The following FKBP9 variants were observed in gnomAD, a reference collection of about 807,000 sequenced individuals.
FKBP9 encodes the protein FKBP prolyl isomerase 9, also known as peptidyl-prolyl cis-trans isomerase FKBP9.
Under a neutral mutation model 55.6 loss-of-function variants are expected in FKBP9, and 27 were observed. The observed-to-expected ratio is 0.49, with a 90% confidence interval of 0.36 to 0.67. The LOEUF (loss-of-function observed/expected upper bound fraction) is 0.67. Among genes scored for constraint, FKBP9 ranks in the 30% least tolerant of loss-of-function variants. The probability of loss-of-function intolerance (pLI) is 0.00; values close to 1 mark genes in which losing one functional copy is unlikely to be tolerated. For synonymous variants in FKBP9, 267 were observed against 296.5 expected (o/e 0.90, Z 1.02); for missense variants, 539 against 742.8 (o/e 0.73, Z 3.19).
chr7:32,989,995 AT>A (rs543394091), intron 6 of FKBP9, among the ~76,000 whole-genome samples: 228 of 146,196 alleles, frequency 1.6e-3, no homozygotes, highest in East Asian at 0.011. Flanking sequence ...TTCAAAAGCA[AT>A]TTTTTTTTTT....
At position 32,999,374 on chromosome 7, in the gene FKBP9, G is replaced by A. The variant is rs377725113; in HGVS notation, c.1227-741G>A. On this transcript the variant is annotated intron_variant, in intron 7 of 9. Transcript: ENST00000242209. ...TGATAGGAATGGCATAGATTTTGGC[G>A]TAGATTTATTTTTAGTAGTGACCGA... is the stretch of plus-strand genomic sequence containing the variant. Among the ~76,000 whole-genome samples, 674 of 152,096 alleles carry A rather than the reference G, an allele frequency of 4.4e-3. 5 individuals are homozygous for A. Among genetic ancestry groups the A allele is most frequent in the Middle Eastern group, 0.014 (4 of 294 alleles).
chr7:33,000,383 G>A (rs1443333437), intron 8 of FKBP9, 123 bp downstream of exon 8: 1 of 1,365,952 alleles, frequency 7.3e-7, no homozygotes. Flanking sequence ...AAGAGTGTGT[G>A]GTTTCTATTT....
At chr7:32,987,184 T>G (rs1319072278) in intron 5 of FKBP9, among the ~76,000 whole-genome samples, 2 of 152,126 alleles carry the variant, frequency 1.3e-5, no homozygotes, top group African/African-American at 4.8e-5. Flanking sequence ...GTGTGTATGC[T>G]GCTTTCCTGG....
intron 1 of FKBP9, among the ~76,000 whole-genome samples, chr7:32,965,433 CATT>C (rs1784114127): frequency 6.6e-6 from 1 of 152,114 alleles, no homozygotes; most frequent in Non-Finnish European, 1.5e-5. Flanking sequence ...CCCAGCCTGT[CATT>C]TGTCCTTTTA....
chr7:32,959,705 A>G (rs1420730231), intron 1 of FKBP9, among the ~76,000 whole-genome samples: 1 of 152,210 alleles, frequency 6.6e-6, no homozygotes, highest in East Asian at 1.9e-4. Flanking sequence ...TATAAATGGA[A>G]TCATATAATT....
intron 1 of FKBP9, among the ~76,000 whole-genome samples, chr7:32,969,925 G>A (rs886411691): frequency 1.5e-4 from 23 of 152,088 alleles, no homozygotes; most frequent in South Asian, 4.2e-4. Context: ...GCTTGAACCC[G>A]GGAGGCAGAA....
chr7:32,983,057 C>T (rs1169642330), intron 5 of FKBP9, among the ~76,000 whole-genome samples: 1 of 151,190 alleles, frequency 6.6e-6, no homozygotes, highest in Non-Finnish European at 1.5e-5. Flanking sequence ...GAGTTTCGCT[C>T]TTCTTGCCCA....
At chr7:32,999,437 G>T (rs1416140620) in intron 7 of FKBP9, among the ~76,000 whole-genome samples, 1 of 149,630 alleles carries the variant, frequency 6.7e-6, no homozygotes, top group Non-Finnish European at 1.5e-5. Context: ...GGCTTCCTGA[G>T]GCCCATGGCC....
At chr7:32,971,652 T>G (rs1784256991) in intron 1 of FKBP9, among the ~76,000 whole-genome samples, 1 of 152,100 alleles carries the variant, frequency 6.6e-6, no homozygotes, top group African/African-American at 2.4e-5. Context: ...AGCTAATTTT[T>G]TGTATTTTTA....
intron 1 of FKBP9, among the ~76,000 whole-genome samples, chr7:32,965,927 T>C (rs117072319): frequency 0.044 from 6,294 of 143,502 alleles, 375 homozygotes; most frequent in East Asian, 0.19. Context: ...GCGCGGTGGC[T>C]CATGCTTCTA....
intron 1 of FKBP9, among the ~76,000 whole-genome samples, chr7:32,962,896 G>A (rs1194754928): frequency 1.4e-5 from 2 of 139,216 alleles, no homozygotes; most frequent in Non-Finnish European, 3.1e-5. Context: ...GGAGGGTGGG[G>A]CGACAGGCTC....
chr7:32,981,867 A>G (rs1379321909), intron 5 of FKBP9, among the ~76,000 whole-genome samples: 1 of 148,924 alleles, frequency 6.7e-6, no homozygotes, highest in Non-Finnish European at 1.5e-5. Context: ...ACTGCACTCC[A>G]GCCTGGGCAA....
chr7:32,987,855 G>A (rs1385247005), intron 5 of FKBP9, among the ~76,000 whole-genome samples: 2 of 152,138 alleles, frequency 1.3e-5, no homozygotes, highest in Non-Finnish European at 2.9e-5. Context: ...CTGGTTGAGA[G>A]CTTGATTGTT....
intron 1 of FKBP9, 124 bp downstream of exon 1, chr7:32,957,918 C>T (rs1783937562): frequency 5.3e-6 from 4 of 751,616 alleles, no homozygotes; most frequent in Admixed American, 4.3e-5. Context: ...TCCCTTCTTC[C>T]GCTGCCCAGA....
intron 1 of FKBP9, among the ~76,000 whole-genome samples, chr7:32,971,232 A>T (rs148271364): frequency 6.6e-6 from 1 of 152,354 alleles, no homozygotes; most frequent in Non-Finnish European, 1.5e-5. Context: ...GCTGATCAGA[A>T]TAAATTTGTT....
At chr7:32,986,819 G>T (rs1209432904) in intron 5 of FKBP9, among the ~76,000 whole-genome samples, 2 of 152,234 alleles carry the variant, frequency 1.3e-5, no homozygotes, top group Non-Finnish European at 2.9e-5. Context: ...GGAATGGCAG[G>T]ACCGACTGGC....
At chr7:32,998,837 C>T (rs1784868453) in intron 7 of FKBP9, among the ~76,000 whole-genome samples, 1 of 152,104 alleles carries the variant, frequency 6.6e-6, no homozygotes, top group Admixed American at 6.5e-5. Flanking sequence ...TTGAGAGAAA[C>T]ACTGCCCAAG....
intron 8 of FKBP9, among the ~76,000 whole-genome samples, chr7:33,000,954 A>G (rs1254100473): frequency 1.3e-5 from 2 of 151,610 alleles, no homozygotes; most frequent in African/African-American, 2.4e-5. Context: ...CTAATTTTTT[A>G]TTTTTTAGAG....
intron 6 of FKBP9, among the ~76,000 whole-genome samples, chr7:32,990,007 T>TC (rs1784650789): frequency 6.6e-6 from 1 of 152,078 alleles, no homozygotes; most frequent in Non-Finnish European, 1.5e-5. Flanking sequence ...TTTTTTTTTT[T>TC]TGTAAAGACA....
Sources: gnomAD v4.1 joint callset for allele counts (sites outside exome capture counted in the v4.1 genomes callset) on GRCh38, gnomAD v4.1.1 for gene constraint, MANE v1.5 for transcripts, NCBI Gene and HGNC (gene_info 2026-07-23, HGNC 2026-07-21) for gene names.